FOXP2: variants seen among roughly 807,000 people sequenced by gnomAD.
The protein encoded by FOXP2 is forkhead box protein P2.
In FOXP2, 12 loss-of-function variants were observed where a neutral mutation model predicts 115.8. That is an observed-to-expected ratio of 0.10 (90% CI 0.07 to 0.17). The LOEUF (loss-of-function observed/expected upper bound fraction) is 0.17, where lower values mean the gene tolerates loss of function less well. FOXP2 is among the 10% of genes least tolerant of loss of function. FOXP2 has a pLI of 1.00. For synonymous variants in FOXP2, 328 were observed against 297.7 expected (o/e 1.10, Z -1.05); for missense variants, 629 against 843.5 (o/e 0.75, Z 3.15).
rs1207268116 is a variant in FOXP2 at position 114,514,868 on chromosome 7, T to G, written c.169-19749T>G. Among the ~76,000 whole-genome samples the G allele has an allele frequency of 3.3e-5, 5 of 149,636 alleles. No individual in the cohort carries two copies. In the East Asian group the frequency reaches 5.9e-4, roughly 18 times the overall value. ...ATCTCCTAAAGCTATCCCTCCCCCT[T>G]CCCCCCACCCCACAACAGTCCTCAG... On this transcript the variant is annotated intron_variant, in intron 2 of 16. Coordinates refer to ENST00000350908, the MANE Select transcript of FOXP2 (RefSeq NM_014491.4).
At chr7:114,505,603 G>T (rs1407570619) in intron 2 of FOXP2, among the ~76,000 whole-genome samples, 1 of 150,846 alleles carries the variant, frequency 6.6e-6, no homozygotes, top group Non-Finnish European at 1.5e-5. Context: ...TTTTTGTGCT[G>T]TCTAATTGAT....
intron 16 of FOXP2, among the ~76,000 whole-genome samples, chr7:114,684,226 A>T (rs1230761457): frequency 6.6e-6 from 1 of 152,136 alleles, no homozygotes; most frequent in Non-Finnish European, 1.5e-5. Flanking sequence ...GAGGTTCTTT[A>T]TTCAAATAAA....
At chr7:114,320,198 A>G (rs2129181334) in intron 2 of FOXP2, among the ~76,000 whole-genome samples, 1 of 152,092 alleles carries the variant, frequency 6.6e-6, no homozygotes, top group East Asian at 1.9e-4. Context: ...GCACTGGACT[A>G]CCCATCACTT....
intron 1 of FOXP2, among the ~76,000 whole-genome samples, chr7:114,208,795 C>T (rs1934114318): frequency 6.6e-6 from 1 of 152,112 alleles, no homozygotes; most frequent in Non-Finnish European, 1.5e-5. Context: ...TTGCCTGATG[C>T]CATCCATGTA....
At chr7:114,342,730 T>G (rs942515037) in intron 2 of FOXP2, among the ~76,000 whole-genome samples, 1 of 151,542 alleles carries the variant, frequency 6.6e-6, no homozygotes, top group Non-Finnish European at 1.5e-5. Context: ...TGTCTTTAAC[T>G]ATATTCTCAG....
chr7:114,243,916 GT>G (rs3997270), intron 1 of FOXP2, among the ~76,000 whole-genome samples: 1,746 of 144,532 alleles, frequency 0.012, 34 homozygotes, highest in African/African-American at 0.041. Flanking sequence ...TTTTTAGCTT[GT>G]TTTTTTTTTT....
chr7:114,556,942 A>G (rs917709700), intron 3 of FOXP2, among the ~76,000 whole-genome samples: 13 of 152,334 alleles, frequency 8.5e-5, no homozygotes, highest in African/African-American at 3.1e-4. Context: ...AACAAGCTAA[A>G]TGCTATATAA....
intron 3 of FOXP2, among the ~76,000 whole-genome samples, chr7:114,554,570 T>C (rs556055856): frequency 3.7e-4 from 56 of 152,226 alleles, no homozygotes; most frequent in African/African-American, 1.3e-3. Context: ...TGTATAATCA[T>C]TATGATTTTT....
At chr7:114,228,177 T>A (rs1017700052) in intron 1 of FOXP2, among the ~76,000 whole-genome samples, 2 of 152,024 alleles carry the variant, frequency 1.3e-5, no homozygotes, top group Admixed American at 1.3e-4. Flanking sequence ...TTCAGATTAT[T>A]CAAGTGCGTA....
intron 1 of FOXP2, among the ~76,000 whole-genome samples, chr7:114,251,708 C>A (rs888183072): frequency 1.3e-5 from 2 of 152,152 alleles, no homozygotes; most frequent in Admixed American, 6.5e-5. Context: ...ATGGGGTTTT[C>A]TAAATATACA....
At chr7:114,467,832 G>T (rs980700398) in intron 2 of FOXP2, among the ~76,000 whole-genome samples, 1 of 152,130 alleles carries the variant, frequency 6.6e-6, no homozygotes, top group African/African-American at 2.4e-5. Flanking sequence ...ATTTGGAGTG[G>T]ATCTGATTTG....
intron 2 of FOXP2, among the ~76,000 whole-genome samples, chr7:114,357,939 C>A (rs1791654204): frequency 6.6e-6 from 1 of 152,004 alleles, no homozygotes; most frequent in African/African-American, 2.4e-5. Flanking sequence ...GGCTGGAGGC[C>A]TCTAGGAAAG....
rs140464803 is a variant in FOXP2 at position 114,354,420 on chromosome 7, C to A, written c.-11+66311C>A. 4.3e-3 allele frequency among the ~76,000 whole-genome samples: 658 copies of A among 152,220 alleles called. 2 individuals carry two copies. The highest frequency in any genetic ancestry group is 0.01 in the Middle Eastern group (3 of 294). On this transcript the variant is annotated intron_variant, in intron 2 of 17. Transcript: ENST00000634411. ...AAAACCTTCATATCTATATCTATAT[C>A]TGTCCTATTGGTTTGGTTTCTCTGG...
intron 3 of FOXP2, among the ~76,000 whole-genome samples, chr7:114,615,064 C>G (rs1027451534): frequency 6.6e-6 from 1 of 151,968 alleles, no homozygotes; most frequent in African/African-American, 2.4e-5. Context: ...ACCAAAAATG[C>G]AAAAATTAGC....
At chr7:114,491,514 G>A (rs1039424435) in intron 2 of FOXP2, among the ~76,000 whole-genome samples, 39 of 151,920 alleles carry the variant, frequency 2.6e-4, no homozygotes, top group African/African-American at 8.9e-4. Context: ...AGTTTAATTA[G>A]ATCCCATTTG....
intron 8 of FOXP2, chr7:114,645,281 G>A (rs967052725): frequency 5.4e-5 from 8 of 149,282 alleles, no homozygotes; most frequent in African/African-American, 7.4e-5. Context: ...AGAATTAAAA[G>A]TGAAAGTTTA....
At chr7:114,536,403 T>C (rs964891931) in intron 3 of FOXP2, among the ~76,000 whole-genome samples, 258 of 140,866 alleles carry the variant, frequency 1.8e-3, no homozygotes, top group African/African-American at 5.8e-3. Flanking sequence ...TTTTCTTTTT[T>C]TTTTTTTTTT....
chr7:114,578,890 T>C (rs758767398), intron 3 of FOXP2, among the ~76,000 whole-genome samples: 1 of 152,164 alleles, frequency 6.6e-6, no homozygotes, highest in Non-Finnish European at 1.5e-5. Context: ...GATTTATTGC[T>C]TATGTTCTTT....
chr7:114,383,368 T>C (rs1432743215), intron 2 of FOXP2, among the ~76,000 whole-genome samples: 5 of 152,102 alleles, frequency 3.3e-5, no homozygotes, highest in Non-Finnish European at 7.4e-5. Context: ...CTCTTTGATT[T>C]ATTGTTTACC....
Sources: gnomAD v4.1 joint callset for allele counts (sites outside exome capture counted in the v4.1 genomes callset) on GRCh38, gnomAD v4.1.1 for gene constraint, MANE v1.5 for transcripts, NCBI Gene and HGNC (gene_info 2026-07-23, HGNC 2026-07-21) for gene names.